N4BP2L2: variants seen among roughly 807,000 people sequenced by gnomAD.
The protein encoded by N4BP2L2 is NEDD4 binding protein 2 like 2.
A neutral mutation model predicts 56.2 loss-of-function variants in N4BP2L2; 50 were observed. The observed-to-expected ratio is 0.89, with a 90% CI of 0.71 to 1.13. The LOEUF (loss-of-function observed/expected upper bound fraction) is 1.13, where lower values mean the gene tolerates loss of function less well. Among genes scored for constraint, N4BP2L2 ranks in the 50% most tolerant of loss-of-function variants. The pLI is 0.00. For missense variants in N4BP2L2, 689 were observed against 693.8 expected (o/e 0.99, Z 0.08); for synonymous variants, 203 against 223.6 (o/e 0.91, Z 0.82).
exon 7 of N4BP2L2, chr13:32,443,617 A>G (rs1443392943): frequency 6.2e-7 from 1 of 1,611,840 alleles, no homozygotes; most frequent in Non-Finnish European, 8.5e-7. Flanking sequence ...CTGGGTGTCT[A>G]ATGCTATGGT....
intron 6 of N4BP2L2, among the ~76,000 whole-genome samples, chr13:32,452,631 A>G (rs2078283902): frequency 6.6e-6 from 1 of 152,210 alleles, no homozygotes; most frequent in Admixed American, 6.5e-5. Flanking sequence ...AAGCTTTTTC[A>G]TAGTGGTAGA....
At chr13:32,517,593 C>G in exon 6 of N4BP2L2, 1 of 1,341,456 alleles carries the variant, frequency 7.5e-7, no homozygotes, top group Non-Finnish European at 9.6e-7. Context: ...AAGAGTATTA[C>G]AACAAGAGAA....
At chr13:32,505,675 A>G (rs2090825910), downstream of N4BP2L2, 1 of 152,214 alleles carries the variant, frequency 6.6e-6, no homozygotes, top group South Asian at 2.1e-4. Flanking sequence ...GCCACATTAT[A>G]ATAAGCATTG....
intron 6 of N4BP2L2, among the ~76,000 whole-genome samples, chr13:32,471,139 G>A (rs1455310211): frequency 6.6e-6 from 1 of 152,218 alleles, no homozygotes; most frequent in African/African-American, 2.4e-5. Flanking sequence ...ACGGGCCTGT[G>A]TGTCCAGAAG....
exon 7 of N4BP2L2, chr13:32,442,645 T>C: frequency 6.2e-7 from 1 of 1,613,920 alleles, no homozygotes; most frequent in Non-Finnish European, 8.5e-7. Context: ...CCCTGCATCA[T>C]TTAGTTTATT....
intron 9 of N4BP2L2, among the ~76,000 whole-genome samples, chr13:32,435,196 A>G (rs2075333096): frequency 2.0e-5 from 3 of 152,166 alleles, no homozygotes; most frequent in Admixed American, 2.0e-4. Context: ...TTACTGCTAT[A>G]TCTTCAGTGT....
In N4BP2L2 at chr13:32,476,243, A is replaced by G. The variant is rs73447336; in HGVS notation, c.366-32117T>C. Among the ~76,000 whole-genome samples, 1,059 of 152,274 alleles carry G rather than the reference A, an allele frequency of 7.0e-3. 17 individuals carry two copies. The highest frequency in any genetic ancestry group is 0.024 in the African/African-American group (997 of 41,548). On this transcript the variant is annotated intron_variant, in intron 6 of 9. Transcript: ENST00000357505. Reference sequence around the variant, plus strand: ...TGAACTGGATCTTCAGGGTTTTTGTAAACTTAGGGCTTTTTGTGGGCACAA... The same window carrying G: ...TGAACTGGATCTTCAGGGTTTTTGTGAACTTAGGGCTTTTTGTGGGCACAA...
chr13:32,480,476 C>T (rs1336740839), intron 6 of N4BP2L2: 18 of 469,964 alleles, frequency 3.8e-5, no homozygotes, highest in Non-Finnish European at 5.2e-5. Flanking sequence ...GTTAGTTGGA[C>T]GGCATCATAT....
At chr13:32,450,374 G>C (rs1241267075) in intron 6 of N4BP2L2, among the ~76,000 whole-genome samples, 2 of 151,612 alleles carry the variant, frequency 1.3e-5, no homozygotes, top group Non-Finnish European at 2.9e-5. Context: ...ACCCAGGCTG[G>C]AGTGCAGTGG....
At chr13:32,480,699 CA>C (rs2084465933) in intron 6 of N4BP2L2, 1 of 1,009,342 alleles carries the variant, frequency 9.9e-7, no homozygotes, top group African/African-American at 1.7e-5. Flanking sequence ...TCATAAACAT[CA>C]TCTTGTTCAA....
At chr13:32,500,069 G>A (rs1478860089) in intron 6 of N4BP2L2, among the ~76,000 whole-genome samples, 2 of 152,080 alleles carry the variant, frequency 1.3e-5, no homozygotes, top group Admixed American at 6.6e-5. Context: ...CTTTTAGTTG[G>A]GTTCTACTGT....
chr13:32,450,082 AT>A (rs745435289), intron 6 of N4BP2L2, among the ~76,000 whole-genome samples: 14 of 152,194 alleles, frequency 9.2e-5, no homozygotes, highest in Non-Finnish European at 1.9e-4. Context: ...ACATCCAACA[AT>A]TGGTGAAAAC....
In N4BP2L2 at chr13:32,469,803, T is replaced by C. The variant is rs568076197; in HGVS notation, c.366-25677A>G. Among the ~76,000 whole-genome samples the C allele has an allele frequency of 6.6e-5, 10 of 152,250 alleles. No individual in the cohort carries two copies. The East Asian group carries it at 1.4e-3, about 21-fold the overall frequency. ...CAAGTATAGACTTGGTGCAACTCAA[T>C]TGGGAGAAGGATGTTACTGTACAGC... On this transcript the variant is annotated intron_variant, in intron 6 of 9. Transcript: ENST00000357505.
At chr13:32,454,032 A>G (rs2078547118) in intron 6 of N4BP2L2, among the ~76,000 whole-genome samples, 1 of 152,202 alleles carries the variant, frequency 6.6e-6, no homozygotes, top group South Asian at 2.1e-4. Context: ...TTTAGGGAAT[A>G]AGGGCTTTGA....
intron 1 of N4BP2L2, among the ~76,000 whole-genome samples, chr13:32,538,243 G>A (rs1236902635): frequency 6.6e-6 from 1 of 152,136 alleles, no homozygotes; most frequent in Non-Finnish European, 1.5e-5. Flanking sequence ...CCACAGAGCT[G>A]GAGGAAGACA....
chr13:32,503,671 C>T (rs923295233), intron 6 of N4BP2L2, among the ~76,000 whole-genome samples: 11 of 152,298 alleles, frequency 7.2e-5, no homozygotes, highest in Middle Eastern at 3.4e-3. Context: ...ATCATTAATT[C>T]ACACAATCAA....
intron 5 of N4BP2L2, 119 bp downstream of exon 5, chr13:32,521,254 C>G: frequency 2.6e-6 from 2 of 782,684 alleles, no homozygotes. Context: ...AAAAGGTCCT[C>G]ACATTTTACC....
intron 6 of N4BP2L2, chr13:32,478,083 C>A: frequency 7.8e-7 from 1 of 1,283,136 alleles, no homozygotes; most frequent in South Asian, 1.2e-5. Context: ...TCAGGCCCAG[C>A]TTATACACTG....
intron 6 of N4BP2L2, chr13:32,446,314 A>C (rs1485431471): frequency 7.8e-7 from 1 of 1,287,870 alleles, no homozygotes; most frequent in Admixed American, 2.0e-5. Flanking sequence ...TATTGAGTAA[A>C]GAGTGCTATC....
Sources: allele counts gnomAD v4.1 joint callset (sites outside exome capture counted in the v4.1 genomes callset), GRCh38; gene constraint gnomAD v4.1.1; transcripts MANE v1.5; gene names NCBI Gene and HGNC (gene_info 2026-07-23, HGNC 2026-07-21).